The following COL20A1 variants were observed in gnomAD, a reference collection of about 807,000 sequenced individuals.
COL20A1 encodes the protein collagen alpha-1(XX) chain.
Under a neutral mutation model 152.9 loss-of-function variants are expected in COL20A1, and 164 were observed. That is an observed-to-expected ratio of 1.07 (90% confidence interval 0.94 to 1.22). COL20A1 has a LOEUF of 1.22. COL20A1 is among the 50% of genes most tolerant of loss of function. The probability of loss-of-function intolerance (pLI) is 0.00; values close to 1 mark genes in which losing one functional copy is unlikely to be tolerated. For synonymous variants in COL20A1, 864 were observed against 756.0 expected, an observed-to-expected ratio of 1.14 and a Z score of -2.34; for missense variants, 1,873 against 1,744.8, an observed-to-expected ratio of 1.07 and a Z score of -1.31.
intron 21 of COL20A1, among the ~76,000 whole-genome samples, chr20:63,317,076 G>A (rs1000735505): frequency 6.6e-6 from 1 of 152,172 alleles, no homozygotes; most frequent in Non-Finnish European, 1.5e-5. Flanking sequence ...TGAGATTTGG[G>A]ACAATTCCTG....
intron 8 of COL20A1, 125 bp from the exon 9 acceptor site, chr20:63,309,208 G>A (rs1305022551): frequency 4.3e-6 from 3 of 701,420 alleles, no homozygotes; most frequent in Admixed American, 3.8e-5. Context: ...GTGGGTGGCA[G>A]GTGGGCCGAG....
intron 25 of COL20A1, among the ~76,000 whole-genome samples, chr20:63,320,726 G>C (rs1336682058): frequency 6.6e-6 from 1 of 152,168 alleles, no homozygotes; most frequent in African/African-American, 2.4e-5. Flanking sequence ...CCATACTGGG[G>C]GCCCAGACGG....
rs1601423310 is a variant in COL20A1, at chr20:63,313,836, T to C, written c.2303T>C (p.Val768Ala). ...AGCTGGACGCCCCCGCTTGGCCGCG[T>C]GCTCCATTACTGGCTCACCTACGCC... ...QVSWTPPLGR[V>A]LHYWLTYAPA... is the part of the protein sequence containing the mutation. Residue 768 changes from valine (V) to alanine (A), a missense_variant, in exon 18 of 36, where the codon GTG becomes GCG. Coordinates refer to ENST00000358894, the MANE Select transcript of COL20A1 (RefSeq NM_020882.4). This position sits in a 1 kb window ranked among gnomAD's most constrained non-coding sequence, Gnocchi z 5.9. 9 of 1,611,320 alleles carry C rather than the reference T, an allele frequency of 5.6e-6. No individual in the cohort carries two copies. Among genetic ancestry groups the C allele is most frequent in the African/African-American group, 5.3e-5 (4 of 74,950 alleles).
At chr20:63,309,716 CG>C (rs1464855344) in intron 9 of COL20A1, 41 bp from the exon 10 acceptor site, 1 of 1,503,114 alleles carries the variant, frequency 6.7e-7, no homozygotes, top group African/African-American at 1.4e-5. Context: ...CACAGCTGCC[CG>C]TGCAGTGACC....
At position 63,303,397 on chromosome 20, in the gene COL20A1, T is replaced by C. The variant is rs1353372128; in HGVS notation, c.194-2020T>C. Among the ~76,000 whole-genome samples the C allele has an allele frequency of 2.6e-5, 4 of 152,220 alleles. No individual in the cohort carries two copies. The East Asian group carries it at 7.7e-4, about 29-fold the overall frequency. On this transcript the variant is annotated intron_variant, in intron 3 of 35. Coordinates refer to ENST00000358894, the MANE Select transcript of COL20A1 (RefSeq NM_020882.4). The stretch of plus-strand genomic sequence containing the variant: ...TAAATGTCATAAAACTTTTTCATTA[T>C]TGTCATTGCTTGTTAATCACGTGTT...
chr20:63,295,053 C>G (rs2067768869), intron 1 of COL20A1, 45 bp from the exon 2 acceptor site: 1 of 1,299,526 alleles, frequency 7.7e-7, no homozygotes, highest in Non-Finnish European at 1.1e-6. Flanking sequence ...AGGGAGAGGA[C>G]AGACGGGGGG....
chr20:63,303,815 C>T (rs1474270108), intron 3 of COL20A1, among the ~76,000 whole-genome samples: 1 of 133,170 alleles, frequency 7.5e-6, no homozygotes, highest in African/African-American at 2.8e-5. Flanking sequence ...CTCCCTCCCT[C>T]CCTCCAGGTG....
chr20:63,319,691 G>A lies in COL20A1; in HGVS notation c.2916+95G>A, dbSNP rs376289322. On this transcript the variant is annotated intron_variant, in intron 23 of 35. Transcript: ENST00000358894. This position sits in a 1 kb window ranked among gnomAD's most constrained non-coding sequence, Gnocchi z 4.4. ...TGCCGGATGCCAACTCCTCTCCCTAGGAGAGCAGGACCTTCCTTGGGAGGG... is the reference window on the plus strand; with the variant it reads ...TGCCGGATGCCAACTCCTCTCCCTAAGAGAGCAGGACCTTCCTTGGGAGGG... 75 of 785,032 alleles carry A rather than the reference G, an allele frequency of 9.6e-5. 1 individual carries two copies. Among genetic ancestry groups the A allele is most frequent in the East Asian group, 7.5e-4 (28 of 37,384 alleles). The allele number at this position is 785,032 out of a possible 1,614,324, so 48.6% of individuals were successfully genotyped here.
At chr20:63,310,821 C>T (rs1031072175) in intron 11 of COL20A1, among the ~76,000 whole-genome samples, 40 of 152,044 alleles carry the variant, frequency 2.6e-4, no homozygotes, top group Admixed American at 5.9e-4. Flanking sequence ...TGGCTTAGCT[C>T]GCTGGGTTCT....
In COL20A1 at chr20:63,325,510, C is replaced by T. The variant is rs2068231803; in HGVS notation, c.3348+16C>T. ...AGGCTTGCAGGTAGTGTGGCTGGGG[C>T]CAGGGGGCCACAGGGGTTGGTGGGG... On this transcript the variant is annotated intron_variant, in intron 28 of 35. Coordinates refer to ENST00000358894, the MANE Select transcript of COL20A1 (RefSeq NM_020882.4). 6.2e-7 allele frequency: 1 copy of T among 1,609,360 alleles called. No individual in the cohort carries two copies. Among genetic ancestry groups the T allele is most frequent in the Non-Finnish European group, 8.5e-7 (1 of 1,177,258 alleles).
chr20:63,300,174 C>A (rs1199522878), intron 3 of COL20A1, among the ~76,000 whole-genome samples: 3 of 152,036 alleles, frequency 2.0e-5, no homozygotes, highest in Non-Finnish European at 2.9e-5. Flanking sequence ...CAATAACTAC[C>A]CTTTCTTATA....
rs1601409192 is a variant in COL20A1, at chr20:63,305,344, T to G, written c.194-73T>G. The G allele has an allele frequency of 7.9e-7, 1 of 1,266,914 alleles. No homozygotes were observed. The allele number at this position is 1,266,914 out of a possible 1,614,324, so 78.5% of individuals were successfully genotyped here. The stretch of plus-strand genomic sequence containing the variant: ...GGGTGGGGAGGAGGAGCCAAGAGGG[T>G]TTCACTCCCCGCCGTGACAGATGCA... On this transcript the variant is annotated intron_variant, in intron 3 of 35. Transcript: ENST00000358894. This position sits in a 1 kb window ranked among gnomAD's most constrained non-coding sequence, Gnocchi z 4.9.
chr20:63,318,586 A>G (rs1481200875), intron 21 of COL20A1, among the ~76,000 whole-genome samples: 1 of 152,038 alleles, frequency 6.6e-6, no homozygotes, highest in East Asian at 1.9e-4. Flanking sequence ...GCCTTTCAGT[A>G]GTGATCCTGA....
At chr20:63,317,005 G>T (rs773315675) in intron 21 of COL20A1, among the ~76,000 whole-genome samples, 44 of 151,006 alleles carry the variant, frequency 2.9e-4, no homozygotes, top group Admixed American at 7.9e-4. Flanking sequence ...CTGACCTGAG[G>T]CGATGGGCCA....
Position 63,312,042 on chromosome 20 carries a change from G to T in COL20A1, c.1790G>T (p.Gly597Val), listed in dbSNP as rs201868354. 6.3e-7 allele frequency: 1 copy of T among 1,585,278 alleles called. No homozygotes were observed. The highest frequency in any genetic ancestry group is 1.4e-5 in the African/African-American group (1 of 73,986). The change falls in exon 14 of 36, where the codon GGA becomes GTA. Residue 597 changes from glycine to valine, a missense_variant. Gly to Val is a moderately radical substitution (Grantham distance 109). Coordinates refer to ENST00000358894, the MANE Select transcript of COL20A1 (RefSeq NM_020882.4). The part of the protein sequence containing the change: ...VRVTYVSSEG[G>V]HSGQTEAPGN... ...GTCACCTATGTGTCCAGCGAGGGTG[G>T]ACACTCGGGGCAGGTGAGAGCAGAG...
Position 63,306,661 on chromosome 20 carries a change from C to T in COL20A1, c.496+622C>T, listed in dbSNP as rs935412061. Among the ~76,000 whole-genome samples the T allele has an allele frequency of 5.3e-5, 8 of 152,176 alleles. No homozygotes were observed. Among genetic ancestry groups the T allele is most frequent in the South Asian group, 2.1e-4 (1 of 4,836 alleles). ...AAGCCAGGTAAGGGGTGGGCACAGA[C>T]GGGGGCAGTGCACTGTGTCTGCCCA... On this transcript the variant is annotated intron_variant, in intron 5 of 35. Transcript: ENST00000358894. This position sits in a 1 kb window ranked among gnomAD's most constrained non-coding sequence, Gnocchi z 6.9.
At chr20:63,326,543 G>C (rs936256295) in intron 30 of COL20A1, among the ~76,000 whole-genome samples, 4 of 152,200 alleles carry the variant, frequency 2.6e-5, no homozygotes, top group Admixed American at 6.5e-5. Flanking sequence ...GACAGTGCTG[G>C]AGGAGGGGTG....
At chr20:63,308,761 G>A in intron 8 of COL20A1, 55 bp downstream of exon 8, 1 of 1,458,346 alleles carries the variant, frequency 6.9e-7, no homozygotes, top group Non-Finnish European at 9.2e-7. Flanking sequence ...GTGGGTTTAG[G>A]GTCGCAGCAG....
chr20:63,324,190 T>C (rs2068209945), intron 27 of COL20A1: 1 of 152,276 alleles, frequency 6.6e-6, no homozygotes, highest in Admixed American at 6.5e-5. Context: ...ATGACTTTTG[T>C]ACCCAGTTTT....
Sources: allele counts gnomAD v4.1 joint callset (sites outside exome capture counted in the v4.1 genomes callset), GRCh38; gene constraint gnomAD v4.1.1; non-coding constraint Gnocchi (gnomAD v3.1); transcripts MANE v1.5; gene names NCBI Gene and HGNC (gene_info 2026-07-23, HGNC 2026-07-21).